The following SPICE1 variants were observed in gnomAD, a reference collection of about 807,000 sequenced individuals.
SPICE1 encodes spindle and centriole associated protein 1, also known as spindle and centriole-associated protein 1.
A neutral mutation model predicts 102.7 loss-of-function variants in SPICE1; 75 were observed. The ratio of observed to expected loss-of-function variants is 0.73; its 90% CI spans 0.61 to 0.88. The LOEUF (loss-of-function observed/expected upper bound fraction) is 0.88, where lower values mean the gene tolerates loss of function less well. Ranked by LOEUF, SPICE1 falls within the 40% of genes least tolerant of loss-of-function variation. The pLI, the probability that SPICE1 is intolerant of heterozygous loss-of-function variation, is 0.00. For synonymous variants in SPICE1, 308 were observed against 350.3 expected (o/e 0.88, Z 1.35); for missense variants, 979 against 1,020.1 (o/e 0.96, Z 0.55).
At chr3:113,476,216 C>T (rs370013516) in intron 7 of SPICE1, among the ~76,000 whole-genome samples, 6,431 of 150,290 alleles carry the variant, frequency 0.043, 215 homozygotes, top group East Asian at 0.1. Flanking sequence ...ACCTAGGAAT[C>T]CAACTTACAA....
At position 113,493,350 on chromosome 3, in the gene SPICE1, T is replaced by G. The variant is rs375387813; in HGVS notation, c.386-38A>C. The G allele has an allele frequency of 2.0e-6, 3 of 1,535,702 alleles. No individual in the cohort carries two copies. In the African/African-American group the frequency reaches 4.1e-5, roughly 21 times the overall value. On this transcript the variant is annotated intron_variant, in intron 5 of 17. Transcript: ENST00000295872. ...AAGAAGTTGTGATGATTTGTTTCAT[T>G]TAATTAACTTGACTTCACAAGCTCT...
chr3:113,479,152 T>A lies in SPICE1; in HGVS notation c.611+9793A>T, dbSNP rs1250908174. 2.2e-4 allele frequency among the ~76,000 whole-genome samples: 28 copies of A among 128,218 alleles called. No homozygotes were observed. In the East Asian group the frequency reaches 3.2e-3, roughly 15 times the overall value. 84.1% of individuals were successfully genotyped at this position (128,218 alleles called of 152,430 possible). A position where few individuals can be genotyped will look rare whatever the true frequency, so the allele number is the denominator to read the frequency against. On this transcript the variant is annotated intron_variant, in intron 7 of 17. Transcript: ENST00000295872. ...CCCCCCACCCCACAACAGTCGCCAG[T>A]GTGTGATGTTCCCCTTCCTGTGGCC...
At position 113,510,206 on chromosome 3, in the gene SPICE1, T is replaced by C. The variant is rs542955256; in HGVS notation, c.1-3601A>G. ...TAGCCATACTGGCATTTTTAAGTAA[T>C]TTATAGATTCAATACTATGCCTATT... On this transcript the variant is annotated intron_variant, in intron 1 of 17. Coordinates refer to ENST00000295872, the MANE Select transcript of SPICE1 (RefSeq NM_144718.4). 2.8e-3 allele frequency among the ~76,000 whole-genome samples: 430 copies of C among 152,344 alleles called. 3 individuals are homozygous for C. Among genetic ancestry groups the C allele is most frequent in the Middle Eastern group, 0.014 (4 of 294 alleles).
At chr3:113,459,814 G>A (rs997364275) in intron 12 of SPICE1, 143 of 916,098 alleles carry the variant, frequency 1.6e-4, no homozygotes, top group Non-Finnish European at 1.8e-4. Context: ...ACTGGAAGGC[G>A]GAGGTTGCAG....
intron 7 of SPICE1, among the ~76,000 whole-genome samples, chr3:113,471,130 A>G (rs1936185612): frequency 1.3e-5 from 2 of 151,590 alleles, no homozygotes; most frequent in South Asian, 4.2e-4. Flanking sequence ...TGGAAGGACC[A>G]TGGTAGGCTA....
Position 113,453,945 on chromosome 3 carries a change from T to C in SPICE1, c.1663A>G (p.Arg555Gly). Residue 555 changes from arginine (R) to glycine (G), a missense_variant, in exon 14 of 18, where the codon AGA becomes GGA. By Grantham distance (125) the Arg-to-Gly change is moderately radical (BLOSUM62 -2). Transcript: ENST00000295872. ...GCAGGACGAGTTTGAACAGTCCTTCTCAATACTATAGATAAGAATTTAAAA... is the reference window on the plus strand; with the variant it reads ...GCAGGACGAGTTTGAACAGTCCTTCCCAATACTATAGATAAGAATTTAAAA... Reference protein sequence around the residue: ...LKFSPLQDVLRRTVQTRPAPR... With the variant: ...LKFSPLQDVLGRTVQTRPAPR... 6.2e-7 allele frequency: 1 copy of C among 1,604,386 alleles called. No homozygotes were observed. The highest frequency in any genetic ancestry group is 8.5e-7 in the Non-Finnish European group (1 of 1,175,546).
chr3:113,473,773 G>C (rs2107471450), intron 7 of SPICE1, among the ~76,000 whole-genome samples: 1 of 151,528 alleles, frequency 6.6e-6, no homozygotes, highest in Non-Finnish European at 1.5e-5. Flanking sequence ...CCCTAAAAGA[G>C]CTCCTGAAGG....
intron 13 of SPICE1, 93 bp downstream of exon 13, chr3:113,457,043 T>C (rs1305770965): frequency 1.6e-6 from 2 of 1,284,874 alleles, no homozygotes; most frequent in Admixed American, 2.2e-5. Flanking sequence ...AGTGTCTTTT[T>C]CAATTCTGTT....
intron 14 of SPICE1, among the ~76,000 whole-genome samples, chr3:113,452,742 G>A (rs575398831): frequency 4.6e-5 from 7 of 152,132 alleles, no homozygotes; most frequent in Non-Finnish European, 1.0e-4. Flanking sequence ...CACTTTGGGA[G>A]GCTGAGGCGG....
At chr3:113,490,659 AT>A (rs1434473654) in intron 6 of SPICE1, among the ~76,000 whole-genome samples, 55 of 151,614 alleles carry the variant, frequency 3.6e-4, no homozygotes, top group African/African-American at 1.3e-3. Flanking sequence ...AAAAAAAAAA[AT>A]CCCTACTCAA....
chr3:113,488,212 CTGAA>C (rs1703183554), intron 7 of SPICE1, among the ~76,000 whole-genome samples: 1 of 152,142 alleles, frequency 6.6e-6, no homozygotes, highest in South Asian at 2.1e-4. Context: ...GTGATTTTAT[CTGAA>C]TGAATGCTCT....
At chr3:113,465,388 T>C (rs1420708910) in intron 11 of SPICE1, among the ~76,000 whole-genome samples, 1 of 152,232 alleles carries the variant, frequency 6.6e-6, no homozygotes, top group Non-Finnish European at 1.5e-5. Flanking sequence ...ACACTTGTAG[T>C]TATAATTTAA....
intron 7 of SPICE1, among the ~76,000 whole-genome samples, chr3:113,488,581 A>C (rs1297874126): frequency 6.6e-6 from 1 of 152,210 alleles, no homozygotes; most frequent in Non-Finnish European, 1.5e-5. Context: ...GTGATATAAC[A>C]AACTTTGGAG....
intron 7 of SPICE1, among the ~76,000 whole-genome samples, chr3:113,475,270 T>G (rs1444142824): frequency 6.6e-6 from 1 of 152,150 alleles, no homozygotes; most frequent in Non-Finnish European, 1.5e-5. Context: ...AATAACAGGC[T>G]CTGAAATAGT....
At chr3:113,446,439 C>T in intron 17 of SPICE1, 150 bp downstream of exon 17, 1 of 673,268 alleles carries the variant, frequency 1.5e-6, no homozygotes, top group Non-Finnish European at 2.5e-6. Flanking sequence ...CTTGTTTTTC[C>T]TAAAAAGGTA....
chr3:113,503,671 G>A (rs1559976883), intron 2 of SPICE1, among the ~76,000 whole-genome samples: 1 of 152,086 alleles, frequency 6.6e-6, no homozygotes, highest in Non-Finnish European at 1.5e-5. Context: ...AGTGGCTCAT[G>A]CCTGTAATCC....
At position 113,446,639 on chromosome 3, in the gene SPICE1, T is replaced by A; in HGVS notation, c.2464A>T (p.Asn822Tyr). The change falls in exon 17 of 18, where the codon AAT becomes TAT. Residue 822 changes from asparagine (N) to tyrosine (Y), a missense_variant. By Grantham distance (143) the Asn-to-Tyr change is moderately radical. Transcript: ENST00000295872. ...GATGNSCSPL[N>Y]ATSGSGRFTP... ...AATCTCCCACTTCCTGAGGTGGCAT[T>A]TAGTGGAGAACAAGAATTACCAGTA... 1.2e-6 allele frequency: 2 copies of A among 1,613,806 alleles called. No homozygotes were observed. The highest frequency in any genetic ancestry group is 1.7e-6 in the Non-Finnish European group (2 of 1,179,862).
At position 113,490,506 on chromosome 3, in the gene SPICE1, G is replaced by C. The variant is rs114087529; in HGVS notation, c.493-1443C>G. Among the ~76,000 whole-genome samples, 547 of 152,198 alleles carry C rather than the reference G, an allele frequency of 3.6e-3. 3 individuals carry two copies. The highest frequency in any genetic ancestry group is 0.014 in the Middle Eastern group (4 of 294). Reference sequence around the variant, plus strand: ...AAAACACAAAAATTAGGCAGGCTTGGTGGCGTGCACCTGTGGTCTCACCTA... The same window carrying C: ...AAAACACAAAAATTAGGCAGGCTTGCTGGCGTGCACCTGTGGTCTCACCTA... On this transcript the variant is annotated intron_variant, in intron 6 of 17. Coordinates refer to ENST00000295872, the MANE Select transcript of SPICE1 (RefSeq NM_144718.4).
At chr3:113,455,476 C>T (rs1255230587) in intron 13 of SPICE1, among the ~76,000 whole-genome samples, 1 of 152,178 alleles carries the variant, frequency 6.6e-6, no homozygotes, top group African/African-American at 2.4e-5. Context: ...TTCTCAGTCA[C>T]ATAAGCCACA....
Sources: allele counts gnomAD v4.1 joint callset (sites outside exome capture counted in the v4.1 genomes callset), GRCh38; gene constraint gnomAD v4.1.1; transcripts MANE v1.5; gene names NCBI Gene and HGNC (gene_info 2026-07-23, HGNC 2026-07-21).